RNF170: variants seen among roughly 807,000 people sequenced by gnomAD.
The protein encoded by RNF170 is E3 ubiquitin-protein ligase RNF170.
A neutral mutation model predicts 32.7 loss-of-function variants in RNF170; 12 were observed. The ratio of observed to expected loss-of-function variants is 0.37; its 90% CI spans 0.24 to 0.60. The LOEUF is 0.60. Among genes scored for constraint, RNF170 ranks in the 20% least tolerant of loss-of-function variants. The pLI is 0.72. For synonymous variants in RNF170, 91 were observed against 103.6 expected, an observed-to-expected ratio of 0.88 and a Z score of 0.74; for missense variants, 212 against 311.2, an observed-to-expected ratio of 0.68 and a Z score of 2.40.
chr8:42,887,629 C>G (rs577848113), intron 2 of RNF170, 99 bp downstream of exon 2: 1 of 1,072,564 alleles, frequency 9.3e-7, no homozygotes, highest in South Asian at 1.3e-5. Context: ...TCACTGAGAT[C>G]TGTTACTTGC....
chr8:42,869,955 G>T, intron 4 of RNF170, 49 bp downstream of exon 4: 2 of 1,313,772 alleles, frequency 1.5e-6, no homozygotes, highest in South Asian at 1.2e-5. Context: ...ACACATAGAG[G>T]TCTTGGTCTA....
At chr8:42,851,933 C>T (rs866371500), downstream of RNF170, among the ~76,000 whole-genome samples, 8 of 152,272 alleles carry the variant, frequency 5.3e-5, no homozygotes, top group African/African-American at 1.4e-4. Flanking sequence ...ACACTGTCCT[C>T]GCTTGAGCAT....
intron 2 of RNF170, among the ~76,000 whole-genome samples, 176 bp downstream of exon 2, chr8:42,887,552 T>C (rs912423366): frequency 6.6e-6 from 1 of 152,212 alleles, no homozygotes; most frequent in Non-Finnish European, 1.5e-5. Flanking sequence ...AGACAGCTGA[T>C]GACAGGAAAT....
chr8:42,854,327 C>A lies in RNF170; in HGVS notation c.*1832G>T, dbSNP rs1281022382. ...CTAAACATTCTATGCAGGAGTCCTACTAAGAAATTTTGGTGTAATGCCACT... is the reference window on the plus strand; with the variant it reads ...CTAAACATTCTATGCAGGAGTCCTAATAAGAAATTTTGGTGTAATGCCACT... On this transcript the variant is annotated 3_prime_UTR_variant, in exon 7 of 7. Transcript: ENST00000527424. 7.8e-7 allele frequency: 1 copy of A among 1,287,098 alleles called. No individual in the cohort carries two copies. The highest frequency in any genetic ancestry group is 1.5e-5 in the African/African-American group (1 of 65,780). 79.7% of individuals were successfully genotyped at this position (1,287,098 alleles called of 1,614,324 possible). A position where few individuals can be genotyped will look rare whatever the true frequency, so the allele number is the denominator to read the frequency against.
At position 42,853,697 on chromosome 8, in the gene RNF170, T is replaced by A. The variant is rs1387813179; in HGVS notation, c.*2462A>T. 7.8e-7 allele frequency: 1 copy of A among 1,286,910 alleles called. No homozygotes were observed. Among genetic ancestry groups the A allele is most frequent in the African/African-American group, 1.5e-5 (1 of 65,808 alleles). 79.7% of individuals were successfully genotyped at this position (1,286,910 alleles called of 1,614,324 possible). The stretch of plus-strand genomic sequence containing the variant: ...ATTACTATGATGTTCAAAACTCTGA[T>A]TGACTCTACTTGCTTTAAAAACTCT... On this transcript the variant is annotated 3_prime_UTR_variant, in exon 7 of 7. Transcript: ENST00000527424.
At chr8:42,891,935 G>A (rs1433370993) in intron 1 of RNF170, among the ~76,000 whole-genome samples, 1 of 152,152 alleles carries the variant, frequency 6.6e-6, no homozygotes, top group Non-Finnish European at 1.5e-5. Context: ...TTTCAAGTAT[G>A]AATTACTTTA....
chr8:42,854,368 T>C lies in RNF170; in HGVS notation c.*1791A>G, dbSNP rs140922673. 9.5e-4 allele frequency: 1,223 copies of C among 1,287,230 alleles called. 9 individuals carry two copies. The African/African-American group carries it at 0.017, about 18-fold the overall frequency. The allele number at this position is 1,287,230 out of a possible 1,614,324, so 79.7% of individuals were successfully genotyped here. A position where few individuals can be genotyped will look rare whatever the true frequency, so the allele number is the denominator to read the frequency against. ...TAATGCCACTTTGATCAGTTATTTG[T>C]TGTATGACTTCATTCAAAAACACTT... On this transcript the variant is annotated 3_prime_UTR_variant, in exon 7 of 7. Coordinates refer to ENST00000527424, the MANE Select transcript of RNF170 (RefSeq NM_030954.4).
At chr8:42,863,538 T>G (rs1586492954) in intron 5 of RNF170, among the ~76,000 whole-genome samples, 1 of 152,166 alleles carries the variant, frequency 6.6e-6, no homozygotes, top group East Asian at 1.9e-4. Flanking sequence ...ACCTCCCAGG[T>G]TCAAGTGATT....
chr8:42,851,072 T>A, downstream of RNF170: 1 of 1,532,102 alleles, frequency 6.5e-7, no homozygotes, highest in African/African-American at 1.4e-5. Flanking sequence ...TAAATCCAAA[T>A]CAACAGCCTT....
intron 3 of RNF170, 143 bp downstream of exon 3, chr8:42,873,788 T>C (rs1303553113): frequency 3.1e-6 from 2 of 636,632 alleles, no homozygotes; most frequent in East Asian, 2.8e-5. Context: ...CTTGCAAATA[T>C]ACAATCTATA....
At chr8:42,894,633 C>T (rs1189517921) in intron 1 of RNF170, among the ~76,000 whole-genome samples, 1 of 152,080 alleles carries the variant, frequency 6.6e-6, no homozygotes, top group Non-Finnish European at 1.5e-5. Flanking sequence ...GGCGCGATCT[C>T]GGCTCACTGC....
chr8:42,860,812 G>C (rs917002625), intron 6 of RNF170, among the ~76,000 whole-genome samples: 1 of 151,964 alleles, frequency 6.6e-6, no homozygotes, highest in African/African-American at 2.4e-5. Flanking sequence ...CTGTCTGCCG[G>C]GTACAAGTGA....
Position 42,856,054 on chromosome 8 carries a change from G to T in RNF170, c.*105C>A. 6.3e-7 allele frequency: 1 copy of T among 1,592,614 alleles called. No individual in the cohort carries two copies. On this transcript the variant is annotated 3_prime_UTR_variant, in exon 7 of 7. Coordinates refer to ENST00000527424, the MANE Select transcript of RNF170 (RefSeq NM_030954.4). ...TGTCTTATAGTGGTTTTATATTTGT[G>T]AGATAATACTCCATTGCTTCATTGC...
At chr8:42,859,654 T>G (rs534710975) in intron 6 of RNF170, among the ~76,000 whole-genome samples, 29 of 151,772 alleles carry the variant, frequency 1.9e-4, no homozygotes, top group Non-Finnish European at 3.8e-4. Flanking sequence ...GCCAAGACAT[T>G]TTTGTTCTTT....
intron 4 of RNF170, among the ~76,000 whole-genome samples, chr8:42,869,584 G>A (rs1804373881): frequency 6.6e-6 from 1 of 152,154 alleles, no homozygotes; most frequent in South Asian, 2.1e-4. Context: ...GGAGGACTAA[G>A]GCAGGGTCTT....
intron 4 of RNF170, among the ~76,000 whole-genome samples, chr8:42,867,902 G>C (rs1804236593): frequency 6.6e-6 from 1 of 151,500 alleles, no homozygotes. Context: ...ATGAGATTTA[G>C]ATAGGCAGAA....
chr8:42,892,382 C>T (rs1032763243), intron 1 of RNF170, among the ~76,000 whole-genome samples: 5 of 152,102 alleles, frequency 3.3e-5, no homozygotes, highest in Non-Finnish European at 5.9e-5. Context: ...CCAAGCTGGT[C>T]TCCAACTCCT....
At chr8:42,860,068 A>G (rs1404577531) in intron 6 of RNF170, among the ~76,000 whole-genome samples, 2 of 152,216 alleles carry the variant, frequency 1.3e-5, no homozygotes, top group Non-Finnish European at 2.9e-5. Context: ...AAAACTGAGA[A>G]AAGAACAGAC....
chr8:42,881,006 T>C (rs1438493893), intron 2 of RNF170, among the ~76,000 whole-genome samples: 1 of 152,244 alleles, frequency 6.6e-6, no homozygotes, highest in East Asian at 1.9e-4. Context: ...AATGTGAACA[T>C]AACTTTTATA....
Sources: allele counts gnomAD v4.1 joint callset (sites outside exome capture counted in the v4.1 genomes callset), GRCh38; gene constraint gnomAD v4.1.1; transcripts MANE v1.5; gene names NCBI Gene and HGNC (gene_info 2026-07-23, HGNC 2026-07-21).